The following DST variants were observed in gnomAD, a reference collection of about 807,000 sequenced individuals.
DST encodes dystonin.
A neutral mutation model predicts 875.2 loss-of-function variants in DST; 253 were observed. The observed-to-expected ratio is 0.29, with a 90% CI of 0.26 to 0.32. The LOEUF is 0.32. Ranked by LOEUF, DST falls within the 10% of genes least tolerant of loss-of-function variation. The probability of loss-of-function intolerance (pLI) is 1.00; values close to 1 mark genes in which losing one functional copy is unlikely to be tolerated. For missense variants in DST, 8,287 were observed against 9,111.6 expected (o/e 0.91, Z 3.68); for synonymous variants, 3,124 against 3,197.1 (o/e 0.98, Z 0.77).
intron 9 of DST, among the ~76,000 whole-genome samples, chr6:56,696,523 C>A (rs917582683): frequency 1.3e-5 from 2 of 152,068 alleles, no homozygotes; most frequent in Non-Finnish European, 2.9e-5. Flanking sequence ...GGCAGCTGAA[C>A]CCCAAAGGGC....
chr6:56,774,680 G>C (rs1370513662), intron 4 of DST, among the ~76,000 whole-genome samples: 1 of 152,088 alleles, frequency 6.6e-6, no homozygotes, highest in Non-Finnish European at 1.5e-5. Context: ...ACTAAATTCT[G>C]TGCTAAAGAT....
intron 2 of DST, among the ~76,000 whole-genome samples, chr6:56,948,556 T>C (rs1369114545): frequency 3.3e-5 from 5 of 152,186 alleles, no homozygotes; most frequent in Admixed American, 2.0e-4. Context: ...GAATCCTTTA[T>C]TTCTGTAATT....
chr6:56,926,465 G>T (rs1807142575), intron 2 of DST, among the ~76,000 whole-genome samples: 1 of 152,184 alleles, frequency 6.6e-6, no homozygotes, highest in Non-Finnish European at 1.5e-5. Flanking sequence ...TGAGGAGGGG[G>T]TCAGTTCCTG....
intron 4 of DST, among the ~76,000 whole-genome samples, chr6:56,836,586 C>T (rs958274934): frequency 6.6e-6 from 1 of 152,056 alleles, no homozygotes; most frequent in Non-Finnish European, 1.5e-5. Flanking sequence ...CGCGGTGGCT[C>T]ACGCTTGTAA....
chr6:56,562,696 C>T (rs2097557794), intron 55 of DST, among the ~76,000 whole-genome samples: 1 of 151,964 alleles, frequency 6.6e-6, no homozygotes, highest in East Asian at 1.9e-4. Flanking sequence ...CACCCGTCAA[C>T]CCATTATCTA....
intron 4 of DST, among the ~76,000 whole-genome samples, chr6:56,802,294 T>C (rs1041694078): frequency 1.3e-5 from 2 of 152,158 alleles, no homozygotes; most frequent in African/African-American, 4.8e-5. Flanking sequence ...GCAACAATTT[T>C]CTTAGCTCTA....
At chr6:56,575,476 G>A (rs955658974) in intron 50 of DST, among the ~76,000 whole-genome samples, 1 of 152,124 alleles carries the variant, frequency 6.6e-6, no homozygotes, top group Non-Finnish European at 1.5e-5. Context: ...TGCATCAACA[G>A]GGTAAGTAAA....
intron 87 of DST, among the ~76,000 whole-genome samples, chr6:56,486,654 G>A (rs186093560): frequency 3.9e-5 from 6 of 152,214 alleles, no homozygotes; most frequent in Admixed American, 6.5e-5. Flanking sequence ...GAAATGCTGG[G>A]GCCAGATCAG....
In DST at chr6:56,931,819, TACC is replaced by T. The variant is rs556371356; in HGVS notation, c.216+21963_216+21965del. Among the ~76,000 whole-genome samples the T allele has an allele frequency of 2.3e-3, 348 of 152,320 alleles. 3 individuals carry two copies. The highest frequency in any genetic ancestry group is 0.014 in the Middle Eastern group (4 of 294). ...ATTTGGAACTGCTGTATTTACCCAA[TACC>T]TGTAACCCCATTGTATCTAAGAAGT... is the stretch of plus-strand genomic sequence containing the variant. On this transcript the variant is annotated intron_variant, in intron 2 of 103. Coordinates refer to ENST00000680361, the MANE Select transcript of DST (RefSeq NM_001374736.1).
intron 55 of DST, 106 bp downstream of exon 55, chr6:56,568,363 A>G: frequency 8.1e-7 from 1 of 1,237,958 alleles, no homozygotes; most frequent in South Asian, 1.5e-5. Flanking sequence ...TTCACTTTGT[A>G]TTTCTGAGGT....
intron 9 of DST, among the ~76,000 whole-genome samples, chr6:56,699,325 T>G (rs544537860): frequency 6.6e-5 from 10 of 152,310 alleles, no homozygotes; most frequent in African/African-American, 2.4e-4. Context: ...TAAGGACTAA[T>G]CATAAAACAT....
chr6:56,875,382 A>G (rs542688559), intron 3 of DST, among the ~76,000 whole-genome samples: 56 of 152,326 alleles, frequency 3.7e-4, no homozygotes, highest in African/African-American at 1.3e-3. Flanking sequence ...TACATTTTCC[A>G]TTAAATGCTT....
chr6:56,589,583 A>G (rs9370539), intron 49 of DST, among the ~76,000 whole-genome samples: 67,216 of 152,012 alleles, frequency 0.44, 15,514 homozygotes, highest in African/African-American at 0.55. Context: ...CACCACCCCA[A>G]AGATTAGCGC....
intron 4 of DST, among the ~76,000 whole-genome samples, chr6:56,791,495 T>G (rs1306758387): frequency 6.6e-6 from 1 of 152,046 alleles, no homozygotes; most frequent in Non-Finnish European, 1.5e-5. Context: ...GATTTAAAAA[T>G]TAGCTACCCA....
chr6:56,855,190 A>C (rs1243887425), intron 3 of DST, among the ~76,000 whole-genome samples: 6 of 152,262 alleles, frequency 3.9e-5, no homozygotes, highest in Non-Finnish European at 8.8e-5. Context: ...ACTTAAAATC[A>C]TCAATAGGTT....
intron 4 of DST, among the ~76,000 whole-genome samples, chr6:56,824,062 G>A (rs1050428830): frequency 6.6e-5 from 10 of 152,054 alleles, no homozygotes; most frequent in Non-Finnish European, 1.5e-4. Context: ...ATGCCGAGTC[G>A]AAGCTGGACT....
intron 9 of DST, among the ~76,000 whole-genome samples, chr6:56,698,386 C>T (rs980156397): frequency 2.1e-4 from 32 of 151,264 alleles, no homozygotes; most frequent in Non-Finnish European, 3.7e-4. Context: ...AGTGCAGTGG[C>T]GCAATCTCAG....
chr6:56,616,239 C>T (rs2098618176), intron 36 of DST: 1 of 1,614,116 alleles, frequency 6.2e-7, no homozygotes, highest in Non-Finnish European at 8.5e-7. Context: ...TCAATTGTTC[C>T]CTGCTCTATA....
intron 58 of DST, among the ~76,000 whole-genome samples, chr6:56,559,909 G>A (rs2097507577): frequency 6.6e-6 from 1 of 151,876 alleles, no homozygotes; most frequent in African/African-American, 2.4e-5. Flanking sequence ...GAAGGAGAAG[G>A]GAGCACAGCT....
Sources: gnomAD v4.1 joint callset for allele counts (sites outside exome capture counted in the v4.1 genomes callset) on GRCh38, gnomAD v4.1.1 for gene constraint, MANE v1.5 for transcripts, NCBI Gene and HGNC (gene_info 2026-07-23, HGNC 2026-07-21) for gene names.